The following DNM1L variants were observed in gnomAD, a reference collection of about 807,000 sequenced individuals.
The protein encoded by DNM1L is dynamin-1-like protein.
A neutral mutation model predicts 92.8 loss-of-function variants in DNM1L; 33 were observed. The observed-to-expected ratio is 0.36, with a 90% confidence interval of 0.27 to 0.48. The LOEUF (loss-of-function observed/expected upper bound fraction) is 0.48, where lower values mean the gene tolerates loss of function less well. DNM1L is among the 20% of genes least tolerant of loss of function. DNM1L has a pLI of 0.99. For missense variants in DNM1L, 485 were observed against 888.8 expected, an observed-to-expected ratio of 0.55 and a Z score of 5.78; for synonymous variants, 284 against 305.0, an observed-to-expected ratio of 0.93 and a Z score of 0.72.
chr12:32,726,857 C>T lies in DNM1L; in HGVS notation c.1080-4157C>T, dbSNP rs1385645666. ...CATCTGGTTCTGGTTCTAACCTCAT[C>T]CTATATGTCTTTGTCAGCACTTCAT... On this transcript the variant is annotated intron_variant, in intron 9 of 19. Coordinates refer to ENST00000549701, the MANE Select transcript of DNM1L (RefSeq NM_012062.5). The T allele has an allele frequency of 7.2e-5, 46 of 639,722 alleles. No individual in the cohort carries two copies. The South Asian group carries it at 8.4e-4, about 12-fold the overall frequency. The allele number at this position is 639,722 out of a possible 1,614,324, so 39.6% of individuals were successfully genotyped here. A position where few individuals can be genotyped will look rare whatever the true frequency, so the allele number is the denominator to read the frequency against.
chr12:32,733,356 AG>A, intron 12 of DNM1L: 1 of 230,604 alleles, frequency 4.3e-6, no homozygotes, highest in South Asian at 6.3e-5. Flanking sequence ...AAAAAGTGAC[AG>A]GGAATAGTGG....
intron 1 of DNM1L, among the ~76,000 whole-genome samples, chr12:32,700,741 GTAA>G (rs1049274644): frequency 2.6e-5 from 4 of 151,942 alleles, no homozygotes; most frequent in Non-Finnish European, 4.4e-5. Flanking sequence ...GTGACACACT[GTAA>G]TAATAATAAT....
Position 32,682,137 on chromosome 12 carries a change from GT to G in DNM1L, c.102+2684del, listed in dbSNP as rs530934789. Among the ~76,000 whole-genome samples, 241 of 145,834 alleles carry G rather than the reference GT, an allele frequency of 1.7e-3. 4 individuals are homozygous for G. The highest frequency in any genetic ancestry group is 0.015 in the Admixed American group (214 of 14,528). On this transcript the variant is annotated intron_variant, in intron 1 of 19. Transcript: ENST00000549701. ...TGAGTGTGTATTAAGAATCACTTTGGTTTTTTTTTTTTGAGACCGAGTTTCG... is the reference window on the plus strand; with the variant it reads ...TGAGTGTGTATTAAGAATCACTTTGGTTTTTTTTTTTGAGACCGAGTTTCG...
chr12:32,697,999 GAC>G (rs1952542136), intron 1 of DNM1L, among the ~76,000 whole-genome samples: 1 of 150,786 alleles, frequency 6.6e-6, no homozygotes. Flanking sequence ...TTTTTTTATG[GAC>G]ACATTTTGTC....
At chr12:32,686,940 T>TC (rs988784183) in intron 1 of DNM1L, among the ~76,000 whole-genome samples, 4 of 136,714 alleles carry the variant, frequency 2.9e-5, no homozygotes, top group South Asian at 2.3e-4. Flanking sequence ...TTTTTTTCTT[T>TC]TTTTTTTTTT....
intron 9 of DNM1L, chr12:32,726,887 A>G: frequency 1.5e-6 from 1 of 659,060 alleles, no homozygotes; most frequent in Non-Finnish European, 2.8e-6. Context: ...CTTCATTTGT[A>G]AAATATTTAC....
At chr12:32,708,317 C>G in intron 4 of DNM1L, 93 bp downstream of exon 4, 2 of 836,618 alleles carry the variant, frequency 2.4e-6, no homozygotes, top group Non-Finnish European at 3.9e-6. Flanking sequence ...TTGTAAATTC[C>G]TACTCTTGAT....
At chr12:32,733,611 T>A in intron 12 of DNM1L, 104 bp from the exon 13 acceptor site, 1 of 899,930 alleles carries the variant, frequency 1.1e-6, no homozygotes, top group Non-Finnish European at 1.8e-6. Flanking sequence ...AAGTTTCCTG[T>A]ACTTTTTCGG....
rs1372933684 is a variant in DNM1L at position 32,701,525 on chromosome 12, A to G, written c.213A>G (p.Ser71=). ...TCATTCTGCAACTGGTCCATGTTTC[A>G]CAAGAAGATAAACGGAAAACAACAG... ...RPLILQLVHV[S]QEDKRKTTGE... The change falls in exon 2 of 20, where the codon TCA becomes TCG. Residue 71 remains serine (S), a synonymous_variant. Transcript: ENST00000549701. 2 of 1,614,004 alleles carry G rather than the reference A, an allele frequency of 1.2e-6. No homozygotes were observed. Among genetic ancestry groups the G allele is most frequent in the South Asian group, 2.2e-5 (2 of 91,076 alleles).
chr12:32,720,599 C>T, intron 7 of DNM1L, 65 bp from the exon 8 acceptor site: 3 of 1,608,724 alleles, frequency 1.9e-6, no homozygotes, highest in South Asian at 2.2e-5. Context: ...CTGGTGCTGT[C>T]ATCATCTAAG....
At chr12:32,743,291 G>T in intron 19 of DNM1L, 63 bp from the exon 20 acceptor site, 1 of 1,450,374 alleles carries the variant, frequency 6.9e-7, no homozygotes. Flanking sequence ...ATTACCCTGC[G>T]TAATTCAGAT....
At chr12:32,723,693 CAAAA>C (rs1172541097) in intron 9 of DNM1L, among the ~76,000 whole-genome samples, 2 of 56,008 alleles carry the variant, frequency 3.6e-5, no homozygotes, top group Non-Finnish European at 8.1e-5. Context: ...GACTCTGTCT[CAAAA>C]AAAAAAAAAA....
chr12:32,686,896 G>A (rs1361293713), intron 1 of DNM1L, among the ~76,000 whole-genome samples: 1 of 150,408 alleles, frequency 6.6e-6, no homozygotes, highest in Non-Finnish European at 1.5e-5. Context: ...TGTGTTTGTT[G>A]GGGTTGTCTT....
intron 1 of DNM1L, 140 bp from the exon 2 acceptor site, chr12:32,701,275 T>G (rs1952687901): frequency 1.5e-6 from 1 of 675,312 alleles, no homozygotes; most frequent in South Asian, 1.9e-5. Context: ...AAACTCCGTC[T>G]CAAAAAAAAA....
intron 4 of DNM1L, among the ~76,000 whole-genome samples, chr12:32,708,644 TAG>T (rs1953013982): frequency 6.6e-6 from 1 of 152,138 alleles, no homozygotes; most frequent in South Asian, 2.1e-4. Context: ...TGTGTATGGC[TAG>T]ATTTGCTTAT....
At position 32,733,780 on chromosome 12, in the gene DNM1L, T is replaced by A; in HGVS notation, c.1512T>A (p.Ala504=). The change falls in exon 13 of 20, where the codon GCT becomes GCA. Residue 504 remains alanine, a synonymous_variant. Transcript: ENST00000549701. ...CAAAACATCCAGACTTTGCTGATGC[T>A]TGTGGGCTAATGAACAATAATATAG... is the stretch of plus-strand genomic sequence containing the variant. The part of the protein sequence containing the change: ...INTKHPDFAD[A]CGLMNNNIEE... The A allele has an allele frequency of 1.2e-6, 2 of 1,613,988 alleles. No homozygotes were observed. The highest frequency in any genetic ancestry group is 1.7e-6 in the Non-Finnish European group (2 of 1,179,918).
At chr12:32,737,282 C>A in intron 14 of DNM1L, 121 bp downstream of exon 14, 2 of 972,484 alleles carry the variant, frequency 2.1e-6, no homozygotes, top group Non-Finnish European at 3.2e-6. Context: ...TCCATTGGAA[C>A]TAACTGAGTA....
chr12:32,686,954 T>TTTTTTTTTTTTTTTTTTTTTTC (rs1952039059), intron 1 of DNM1L, among the ~76,000 whole-genome samples: 1 of 133,154 alleles, frequency 7.5e-6, no homozygotes, highest in African/African-American at 2.9e-5. Flanking sequence ...TTTTTTTTTT[T>TTTTTTTTTTTTTTTTTTTTTTC]TTGAGATGGA....
At chr12:32,727,529 G>T in intron 9 of DNM1L, 1,287 of 396,298 alleles carry the variant, frequency 3.2e-3, no homozygotes, top group Middle Eastern at 7.0e-3. Context: ...TCTGAAAATG[G>T]AAAAAAAAAC....
Sources: gnomAD v4.1 joint callset for allele counts (sites outside exome capture counted in the v4.1 genomes callset) on GRCh38, gnomAD v4.1.1 for gene constraint, MANE v1.5 for transcripts, NCBI Gene and HGNC (gene_info 2026-07-23, HGNC 2026-07-21) for gene names.